NCAPD3: variants seen among roughly 807,000 people sequenced by gnomAD.
NCAPD3 encodes the protein condensin-2 complex subunit D3.
A neutral mutation model predicts 182.9 loss-of-function variants in NCAPD3; 105 were observed. The observed-to-expected ratio is 0.57, with a 90% CI of 0.49 to 0.68. The LOEUF (loss-of-function observed/expected upper bound fraction) is 0.68. NCAPD3 is among the 30% of genes least tolerant of loss of function. The probability of loss-of-function intolerance (pLI) is 0.00; values close to 1 mark genes in which losing one functional copy is unlikely to be tolerated. For missense variants in NCAPD3, 1,944 were observed against 1,837.0 expected (o/e 1.06, Z -1.07); for synonymous variants, 815 against 679.9 (o/e 1.20, Z -3.09).
chr11:134,194,811 T>G, intron 13 of NCAPD3, 73 bp from the exon 14 acceptor site: 1 of 986,338 alleles, frequency 1.0e-6, no homozygotes, highest in Non-Finnish European at 1.6e-6. Context: ...CACCACACAA[T>G]ACCCAGAAAA....
chr11:134,185,063 C>G (rs1428903949), intron 17 of NCAPD3, 63 bp from the exon 18 acceptor site: 1 of 1,304,734 alleles, frequency 7.7e-7, no homozygotes, highest in Non-Finnish European at 1.1e-6. Flanking sequence ...CCAACAAAGG[C>G]CTTTCTTCTG....
chr11:134,175,261 G>C (rs937732289), intron 24 of NCAPD3, among the ~76,000 whole-genome samples: 2 of 152,156 alleles, frequency 1.3e-5, no homozygotes, highest in African/African-American at 4.8e-5. Context: ...TCATCTGAAA[G>C]CATTCCCAGC....
upstream of NCAPD3, chr11:134,225,068 G>T (rs370688819): frequency 4.6e-6 from 7 of 1,512,166 alleles, no homozygotes; most frequent in African/African-American, 5.5e-5. Flanking sequence ...AGGGCAGCCC[G>T]CGCCCCGGTG....
At chr11:134,222,929 T>C (rs1441693882) in intron 1 of NCAPD3, among the ~76,000 whole-genome samples, 2 of 152,228 alleles carry the variant, frequency 1.3e-5, no homozygotes, top group South Asian at 2.1e-4. Flanking sequence ...GTGAGGTAGA[T>C]ATTGTACTCC....
Position 134,204,084 on chromosome 11 carries a change from A to G in NCAPD3, c.1177T>C (p.Phe393Leu). 6.2e-7 allele frequency: 1 copy of G among 1,614,182 alleles called. No homozygotes were observed. The highest frequency in any genetic ancestry group is 2.2e-5 in the East Asian group (1 of 44,880). Residue 393 changes from phenylalanine (F) to leucine (L), a missense_variant, in exon 10 of 35, where the codon TTC becomes CTC. Phe to Leu is a conservative substitution (Grantham distance 22, BLOSUM62 0). This residue lies in a region of NCAPD3 where 1,803 missense variants were observed against 1,674.6 expected (regional missense o/e 1.08). Transcript: ENST00000534548. This position sits in a 1 kb window ranked among gnomAD's most constrained non-coding sequence, Gnocchi z 4.3. The stretch of plus-strand genomic sequence containing the variant: ...GAGTATTTGTAAAGCCAGGCAATGA[A>G]CATAGCGTATTCCCCACAAGGAAGT... ...SKLPCGEYAM[F>L]IAWLYKYSRS...
At chr11:134,153,787 G>C (rs1411039766) in intron 32 of NCAPD3, 1 of 228,878 alleles carries the variant, frequency 4.4e-6, no homozygotes, top group African/African-American at 2.3e-5. Flanking sequence ...AGTGACTGGA[G>C]CATGCGCGCT....
intron 27 of NCAPD3, 108 bp from the exon 28 acceptor site, chr11:134,161,999 T>G: frequency 1.7e-6 from 1 of 595,200 alleles, no homozygotes; most frequent in East Asian, 3.0e-5. Context: ...TATGTAAGTT[T>G]ATTTTTGCTT....
chr11:134,178,983 T>C (rs1944233155), intron 20 of NCAPD3, 47 bp from the exon 21 acceptor site: 1 of 1,287,650 alleles, frequency 7.8e-7, no homozygotes, highest in Non-Finnish European at 1.1e-6. Context: ...AAAAGAAAAG[T>C]GAACTCTAGC....
chr11:134,199,308 C>G (rs1944700045), intron 13 of NCAPD3, among the ~76,000 whole-genome samples: 1 of 152,284 alleles, frequency 6.6e-6, no homozygotes, highest in East Asian at 1.9e-4. Flanking sequence ...AAAGCTCTGT[C>G]TATCCTTTCC....
At chr11:134,195,358 C>T (rs1239656668) in intron 13 of NCAPD3, among the ~76,000 whole-genome samples, 1 of 152,122 alleles carries the variant, frequency 6.6e-6, no homozygotes, top group Non-Finnish European at 1.5e-5. Flanking sequence ...CTCAGCCTCC[C>T]AAAGCAGTGA....
chr11:134,209,510 A>G (rs1852729000), intron 4 of NCAPD3, 33 bp from the exon 5 acceptor site: 12 of 1,571,826 alleles, frequency 7.6e-6, no homozygotes, highest in Non-Finnish European at 8.7e-6. Context: ...GGTGACTGTA[A>G]TAAATGCCAA....
In NCAPD3 at chr11:134,168,077, G is replaced by C. The variant is rs1219678496; in HGVS notation, c.3492C>G (p.Asp1164Glu). Residue 1164 changes from aspartate (D) to glutamate (E), a missense_variant, in exon 27 of 35, where the codon GAC becomes GAG. Physicochemically the swap from Asp to Glu is conservative, Grantham distance 45. Around this residue, in one of 3 missense-constraint regions of NCAPD3, gnomAD observed 1,803 missense variants for 1,674.6 expected, o/e 1.08. Coordinates refer to ENST00000534548, the MANE Select transcript of NCAPD3 (RefSeq NM_015261.3). ...CATCTTCTTCCATAAGGAGGTCTTTGTCTGGTTTAGATCTCATTGCCAAAA... is the reference window on the plus strand; with the variant it reads ...CATCTTCTTCCATAAGGAGGTCTTTCTCTGGTTTAGATCTCATTGCCAAAA... ...IKLLAMRSKP[D>E]KDLLMEEDDM... is the part of the protein sequence containing the mutation. 3 of 1,614,148 alleles carry C rather than the reference G, an allele frequency of 1.9e-6. No individual in the cohort carries two copies. The highest frequency in any genetic ancestry group is 2.2e-5 in the South Asian group (2 of 91,086).
intron 2 of NCAPD3, among the ~76,000 whole-genome samples, chr11:134,220,201 T>A (rs1278870427): frequency 2.6e-5 from 4 of 151,820 alleles, no homozygotes; most frequent in African/African-American, 9.7e-5. Flanking sequence ...TTTTTTTTCC[T>A]TCTGAGATGG....
intron 13 of NCAPD3, among the ~76,000 whole-genome samples, chr11:134,200,934 G>A (rs1436807908): frequency 6.6e-5 from 10 of 152,022 alleles, no homozygotes; most frequent in African/African-American, 2.2e-4. Context: ...TAACATGAAT[G>A]AGCCTTGAAA....
At chr11:134,184,870 A>AT (rs1238705257) in intron 18 of NCAPD3, 33 bp downstream of exon 18, 1 of 1,544,228 alleles carries the variant, frequency 6.5e-7, no homozygotes, top group Non-Finnish European at 9.0e-7. Context: ...ACAGCAATGC[A>AT]TTTTCACATA....
rs1401323367 is a variant in NCAPD3 at position 134,168,204 on chromosome 11, C to A, written c.3374-9G>T. The A allele has an allele frequency of 6.2e-7, 1 of 1,612,224 alleles. No individual in the cohort carries two copies. Among genetic ancestry groups the A allele is most frequent in the Admixed American group, 1.7e-5 (1 of 60,002 alleles). ...GCCATCAGCAAAGCACGCTGAGAGA[C>A]AGAGAGAGAGAAAAACGTGAGCTTC... On this transcript the variant is annotated splice_polypyrimidine_tract_variant and intron_variant, in intron 26 of 34. Coordinates refer to ENST00000534548, the MANE Select transcript of NCAPD3 (RefSeq NM_015261.3).
intron 28 of NCAPD3, among the ~76,000 whole-genome samples, chr11:134,161,271 A>G (rs1191072178): frequency 6.6e-6 from 1 of 152,184 alleles, no homozygotes. Flanking sequence ...CTGCAAGTCA[A>G]CACATCCTGG....
chr11:134,205,122 A>T, intron 8 of NCAPD3, 151 bp from the exon 9 acceptor site: 1 of 561,560 alleles, frequency 1.8e-6, no homozygotes, highest in Non-Finnish European at 3.1e-6. Flanking sequence ...TGAAGACATA[A>T]AATGTCATCG....
chr11:134,162,377 G>T (rs1943608452), intron 27 of NCAPD3, among the ~76,000 whole-genome samples: 1 of 152,088 alleles, frequency 6.6e-6, no homozygotes, highest in Non-Finnish European at 1.5e-5. Context: ...CTCTCTCTGT[G>T]TACACATCTA....
Sources: allele counts gnomAD v4.1 joint callset (sites outside exome capture counted in the v4.1 genomes callset), GRCh38; gene constraint gnomAD v4.1.1; regional missense constraint gnomAD v4.1.1; non-coding constraint Gnocchi (gnomAD v3.1); transcripts MANE v1.5; gene names NCBI Gene and HGNC (gene_info 2026-07-23, HGNC 2026-07-21).